The following PRKCQ variants were observed in gnomAD, a reference collection of about 807,000 sequenced individuals.
PRKCQ encodes protein kinase C theta type.
PRKCQ carries 41 observed loss-of-function variants against 91.2 expected under a neutral mutation model. That is an observed-to-expected ratio of 0.45 (90% CI 0.35 to 0.58). The LOEUF is 0.58. PRKCQ is among the 20% of genes least tolerant of loss of function. PRKCQ has a pLI of 0.00. For synonymous variants in PRKCQ, 307 were observed against 316.9 expected (o/e 0.97, Z 0.33); for missense variants, 673 against 896.5 (o/e 0.75, Z 3.18).
Position 6,537,274 on chromosome 10 carries a change from A to C in PRKCQ, c.-9-22130T>G, listed in dbSNP as rs113891821. Among the ~76,000 whole-genome samples, 411 of 152,308 alleles carry C rather than the reference A, an allele frequency of 2.7e-3. 2 individuals carry two copies. Among genetic ancestry groups the C allele is most frequent in the Non-Finnish European group, 4.1e-3 (281 of 68,014 alleles). On this transcript the variant is annotated intron_variant, in intron 1 of 17. Coordinates refer to ENST00000263125, the MANE Select transcript of PRKCQ (RefSeq NM_006257.5). ...AAGCCATTTTGTTAATCTATACCTC[A>C]GTTTACCTCTTAAGGAAATAAATGA... is the stretch of plus-strand genomic sequence containing the variant.
chr10:6,544,747 A>G lies in PRKCQ; in HGVS notation c.-9-29603T>C, dbSNP rs540152000. On this transcript the variant is annotated intron_variant, in intron 1 of 17. Transcript: ENST00000263125. ...GAGATTCTCCTGCCTCAGCCTCCCA[A>G]GTAACTGGGACAACAGGCACGTACC... Among the ~76,000 whole-genome samples, 6 of 152,012 alleles carry G rather than the reference A, an allele frequency of 3.9e-5. No homozygotes were observed. In the South Asian group the frequency reaches 1.2e-3, roughly 32 times the overall value.
intron 3 of PRKCQ, among the ~76,000 whole-genome samples, chr10:6,510,329 G>A (rs1021614255): frequency 6.6e-6 from 1 of 152,106 alleles, no homozygotes; most frequent in Non-Finnish European, 1.5e-5. Flanking sequence ...GTGCTAAGAT[G>A]AATTGTGTAT....
chr10:6,415,435 TATATATATATATATATATATAC>T, the PRKCQ span, among the ~76,000 whole-genome samples: 1 of 125,564 alleles, frequency 8.0e-6, no homozygotes, highest in African/African-American at 3.5e-5. Context: ...TATATATATA[TATATATATATATATATATATAC>T]ACTTACTCAA....
chr10:6,445,071 C>T (rs1834188961), intron 15 of PRKCQ, among the ~76,000 whole-genome samples: 1 of 126,860 alleles, frequency 7.9e-6, no homozygotes, highest in African/African-American at 3.1e-5. Context: ...CTGTAGTGAG[C>T]CAAGATCGCG....
At position 6,515,083 on chromosome 10, in the gene PRKCQ, T is replaced by G. The variant is rs199974877; in HGVS notation, c.53A>C (p.Gln18Pro). Residue 18 changes from glutamine (Q) to proline (P), a missense_variant, in exon 2 of 18, where the codon CAG becomes CCG. Gln to Pro is a moderately conservative substitution (Grantham distance 76, BLOSUM62 -1). Transcript: ENST00000263125. The stretch of plus-strand genomic sequence containing the variant: ...GTTAACAGCCTCGCCCTGACAAGAC[T>G]GGCAGGACCCGCAGTCAAAGTTGGA... ...GLSNFDCGSC[Q>P]SCQGEAVNPY... The G allele has an allele frequency of 8.1e-6, 13 of 1,613,894 alleles. No individual in the cohort carries two copies. Among genetic ancestry groups the G allele is most frequent in the Middle Eastern group, 1.7e-4 (1 of 6,046 alleles).
intron 12 of PRKCQ, among the ~76,000 whole-genome samples, chr10:6,467,339 GAGAGAGAGAGAGAGAGAC>G (rs1564324097): frequency 1.1e-4 from 12 of 110,650 alleles, no homozygotes; most frequent in East Asian, 2.5e-4. Context: ...GACAGACAGA[GAGAGAGAGAGAGAGAGAC>G]AGAGAGAGAG....
At chr10:6,550,949 G>A (rs780333156) in intron 1 of PRKCQ, among the ~76,000 whole-genome samples, 5 of 152,122 alleles carry the variant, frequency 3.3e-5, no homozygotes, top group African/African-American at 1.2e-4. Flanking sequence ...TCTCTAATGG[G>A]ATTATAATTT....
intron 8 of PRKCQ, among the ~76,000 whole-genome samples, chr10:6,487,531 G>A (rs557225939): frequency 5.9e-4 from 90 of 152,270 alleles, no homozygotes; most frequent in Middle Eastern, 3.4e-3. Flanking sequence ...CTAGCTTGGG[G>A]ATCCTACAAT....
the PRKCQ span, among the ~76,000 whole-genome samples, chr10:6,417,180 A>T: frequency 2.0e-5 from 3 of 152,178 alleles, no homozygotes; most frequent in Non-Finnish European, 1.5e-5. Flanking sequence ...GGAGGAGGAG[A>T]GGGTCGAGGA....
At position 6,465,057 on chromosome 10, in the gene PRKCQ, T is replaced by C. The variant is rs370659112; in HGVS notation, c.1354-653A>G. Among the ~76,000 whole-genome samples, 3 of 152,192 alleles carry C rather than the reference T, an allele frequency of 2.0e-5. No homozygotes were observed. The highest frequency in any genetic ancestry group is 7.2e-5 in the African/African-American group (3 of 41,448). Reference sequence around the variant, plus strand: ...ACTTAGGGCACTTAGCATGTGCCGATTGTATACTTATTGAAAGTGACAGGG... The same window carrying C: ...ACTTAGGGCACTTAGCATGTGCCGACTGTATACTTATTGAAAGTGACAGGG... On this transcript the variant is annotated intron_variant, in intron 12 of 17. Transcript: ENST00000263125. This position sits in a 1 kb window ranked among gnomAD's most constrained non-coding sequence, Gnocchi z 4.4.
chr10:6,577,473 C>G (rs1841286562), intron 1 of PRKCQ, among the ~76,000 whole-genome samples: 1 of 152,130 alleles, frequency 6.6e-6, no homozygotes, highest in African/African-American at 2.4e-5. Flanking sequence ...ACAACAGAAA[C>G]AGCAAGCATG....
the PRKCQ span, among the ~76,000 whole-genome samples, chr10:6,419,900 G>C: frequency 6.6e-6 from 1 of 152,052 alleles, no homozygotes; most frequent in Non-Finnish European, 1.5e-5. Flanking sequence ...TGTTGGCTGG[G>C]CTGGTCTTTA....
the PRKCQ span, among the ~76,000 whole-genome samples, chr10:6,417,283 T>C: frequency 6.6e-6 from 1 of 152,184 alleles, no homozygotes; most frequent in Non-Finnish European, 1.5e-5. Context: ...GAAATTTGAG[T>C]AGGCTTTGCT....
At chr10:6,534,977 A>G (rs1839525827) in intron 1 of PRKCQ, among the ~76,000 whole-genome samples, 1 of 152,128 alleles carries the variant, frequency 6.6e-6, no homozygotes, top group Admixed American at 6.5e-5. Flanking sequence ...TGTTTTTCAT[A>G]TATTTATTCG....
intron 1 of PRKCQ, among the ~76,000 whole-genome samples, chr10:6,538,088 G>A (rs1319700494): frequency 2.6e-5 from 4 of 152,250 alleles, no homozygotes; most frequent in African/African-American, 9.6e-5. Flanking sequence ...GCTCCTGCTG[G>A]CTTCCCCAAG....
At chr10:6,564,175 T>C (rs55926002) in intron 1 of PRKCQ, among the ~76,000 whole-genome samples, 13,676 of 152,194 alleles carry the variant, frequency 0.09, 725 homozygotes, top group Middle Eastern at 0.2. Flanking sequence ...GCAGGTGATA[T>C]GGAGTAACCA....
chr10:6,562,573 T>C (rs1394092408), intron 1 of PRKCQ, among the ~76,000 whole-genome samples: 1 of 152,088 alleles, frequency 6.6e-6, no homozygotes, highest in African/African-American at 2.4e-5. Flanking sequence ...AATTGAGATA[T>C]AAAGGGAGAA....
Position 6,557,864 on chromosome 10 carries a change from G to A in PRKCQ, c.-10+22347C>T, listed in dbSNP as rs570340516. ...CAAGCTAGAAATATTGGAACCAGCT[G>A]AGTTCTCCTTCATCTTCATCTCCTC... On this transcript the variant is annotated intron_variant, in intron 1 of 17. Transcript: ENST00000263125. Among the ~76,000 whole-genome samples the A allele has an allele frequency of 1.1e-3, 174 of 152,268 alleles. 1 individual carries two copies. The highest frequency in any genetic ancestry group is 4.1e-3 in the African/African-American group (170 of 41,554).
intron 1 of PRKCQ, among the ~76,000 whole-genome samples, chr10:6,548,401 A>G (rs1840049956): frequency 6.6e-6 from 1 of 151,568 alleles, no homozygotes; most frequent in African/African-American, 2.4e-5. Context: ...CCAAAGGACT[A>G]TAAATCATGC....
Sources: allele counts gnomAD v4.1 joint callset (sites outside exome capture counted in the v4.1 genomes callset), GRCh38; gene constraint gnomAD v4.1.1; non-coding constraint Gnocchi (gnomAD v3.1); transcripts MANE v1.5; gene names NCBI Gene and HGNC (gene_info 2026-07-23, HGNC 2026-07-21).